RELN: variants seen among roughly 807,000 people sequenced by gnomAD.
RELN encodes the protein reelin.
RELN carries 108 observed loss-of-function variants against 427.6 expected under a neutral mutation model. That is an observed-to-expected ratio of 0.25 (90% CI 0.22 to 0.30). RELN has a LOEUF of 0.30. RELN is among the 10% of genes least tolerant of loss of function. The probability of loss-of-function intolerance (pLI) is 1.00; values close to 1 mark genes in which losing one functional copy is unlikely to be tolerated. For missense variants in RELN, 3,715 were observed against 4,302.8 expected (o/e 0.86, Z 3.82); for synonymous variants, 1,524 against 1,513.4 (o/e 1.01, Z -0.16).
intron 46 of RELN, among the ~76,000 whole-genome samples, chr7:103,532,291 G>A (rs543186007): frequency 1.3e-5 from 2 of 152,246 alleles, no homozygotes; most frequent in East Asian, 3.9e-4. Context: ...GGGGCTTGTT[G>A]GAAAGTGGGG....
intron 2 of RELN, among the ~76,000 whole-genome samples, chr7:103,897,179 A>T (rs140600320): frequency 3.2e-4 from 49 of 152,264 alleles, no homozygotes; most frequent in Middle Eastern, 3.4e-3. Flanking sequence ...TTACAATTCA[A>T]GGTGAGAGCT....
chr7:103,778,805 G>A (rs1791813929), intron 3 of RELN, among the ~76,000 whole-genome samples: 1 of 152,138 alleles, frequency 6.6e-6, no homozygotes, highest in Non-Finnish European at 1.5e-5. Context: ...TGGTCAAAAC[G>A]ACTTTAGCAG....
At chr7:103,495,175 CTTTTT>C (rs68172294) in intron 57 of RELN, among the ~76,000 whole-genome samples, 43 of 125,358 alleles carry the variant, frequency 3.4e-4, no homozygotes, top group East Asian at 9.2e-4. Context: ...AAAGTAATTC[CTTTTT>C]TTTTTTTTTT....
intron 2 of RELN, among the ~76,000 whole-genome samples, chr7:103,907,748 T>C (rs941232102): frequency 6.7e-6 from 1 of 150,004 alleles, no homozygotes; most frequent in Non-Finnish European, 1.5e-5. Flanking sequence ...GAACTGGATA[T>C]GATGTCAGAA....
At chr7:103,636,041 C>A (rs1001589759) in intron 18 of RELN, among the ~76,000 whole-genome samples, 194 bp downstream of exon 18, 5 of 152,124 alleles carry the variant, frequency 3.3e-5, no homozygotes, top group African/African-American at 1.2e-4. Context: ...TCATTAATAT[C>A]CAAGTCATTG....
In RELN at chr7:103,908,117, A is replaced by T. The variant is rs117197817; in HGVS notation, c.337+8958T>A. Among the ~76,000 whole-genome samples, 660 of 152,084 alleles carry T rather than the reference A, an allele frequency of 4.3e-3. 3 individuals carry two copies. The highest frequency in any genetic ancestry group is 0.017 in the Middle Eastern group (5 of 294). On this transcript the variant is annotated intron_variant, in intron 2 of 64. Transcript: ENST00000428762. ...TGCAATAGTCATCACTGGCCTTCCC[A>T]AGCATTGCTTCCTTACCTATACACT...
intron 36 of RELN, 77 bp from the exon 37 acceptor site, chr7:103,558,126 CT>C: frequency 1.4e-6 from 1 of 738,628 alleles, no homozygotes; most frequent in Non-Finnish European, 2.5e-6. Context: ...ATACACCTAA[CT>C]TGCATTAGCT....
chr7:103,596,672 A>C lies in RELN; in HGVS notation c.3334-11T>G, dbSNP rs1414623196. ...CTGTCTTTTCCCAGCCTTTCAGAAA[A>C]GAAGAAAAATCAAATTCAGTAATCT... is the stretch of plus-strand genomic sequence containing the variant. On this transcript the variant is annotated splice_polypyrimidine_tract_variant and intron_variant, in intron 24 of 64. Coordinates refer to ENST00000428762, the MANE Select transcript of RELN (RefSeq NM_005045.4). 2 of 1,612,980 alleles carry C rather than the reference A, an allele frequency of 1.2e-6. No individual in the cohort carries two copies. Among genetic ancestry groups the C allele is most frequent in the Admixed American group, 1.7e-5 (1 of 59,972 alleles).
rs1385425220 is a variant in RELN at position 103,545,558 on chromosome 7, A to C, written c.6303-214T>G. On this transcript the variant is annotated intron_variant, in intron 41 of 64. Coordinates refer to ENST00000428762, the MANE Select transcript of RELN (RefSeq NM_005045.4). Reference sequence around the variant, plus strand: ...TTTCTTGTAAGCTTTTCCTGATCCTATCAGAATGTCAATGTTTCACTTGAT... The same window carrying C: ...TTTCTTGTAAGCTTTTCCTGATCCTCTCAGAATGTCAATGTTTCACTTGAT... Among the ~76,000 whole-genome samples the C allele has an allele frequency of 3.9e-5, 6 of 152,264 alleles. No individual in the cohort carries two copies. The East Asian group carries it at 1.2e-3, about 29-fold the overall frequency.
intron 1 of RELN, among the ~76,000 whole-genome samples, chr7:103,961,613 A>G (rs1264134119): frequency 6.6e-6 from 1 of 152,204 alleles, no homozygotes; most frequent in East Asian, 1.9e-4. Context: ...TTGCTTTAGA[A>G]GACAAGGACA....
At position 103,736,785 on chromosome 7, in the gene RELN, G is replaced by A. The variant is rs185082627; in HGVS notation, c.657-8578C>T. Among the ~76,000 whole-genome samples the A allele has an allele frequency of 6.4e-4, 98 of 152,214 alleles. 1 individual carries two copies. The highest frequency in any genetic ancestry group is 2.1e-3 in the African/African-American group (88 of 41,538). On this transcript the variant is annotated intron_variant, in intron 6 of 64. Transcript: ENST00000428762. ...GCTCTTGTTTTTGCCACCTAAAGCA[G>A]AAATTAAACAAGGAAGTAATAAACC...
At chr7:103,537,772 G>A (rs362711) in intron 45 of RELN, among the ~76,000 whole-genome samples, 90,320 of 152,016 alleles carry the variant, frequency 0.59, 27,467 homozygotes, top group Middle Eastern at 0.73. Flanking sequence ...TCAGTTTTAG[G>A]AGAACCCCAC....
intron 10 of RELN, among the ~76,000 whole-genome samples, chr7:103,691,116 A>G (rs1382557414): frequency 1.3e-5 from 2 of 149,216 alleles, no homozygotes; most frequent in East Asian, 3.9e-4. Flanking sequence ...ATTAATTACT[A>G]AAAAAGCCAA....
intron 46 of RELN, among the ~76,000 whole-genome samples, chr7:103,530,583 T>C (rs765654001): frequency 4.6e-5 from 7 of 152,212 alleles, no homozygotes; most frequent in African/African-American, 1.7e-4. Flanking sequence ...ATGCTTGCTA[T>C]AAGTTAACCC....
chr7:103,520,091 G>A (rs1829665098), intron 48 of RELN, among the ~76,000 whole-genome samples: 1 of 151,060 alleles, frequency 6.6e-6, no homozygotes, highest in Non-Finnish European at 1.5e-5. Flanking sequence ...TTTGGGCCAA[G>A]GTTGAGTATC....
chr7:103,728,059 A>C, intron 7 of RELN, 52 bp downstream of exon 7: 10 of 1,580,854 alleles, frequency 6.3e-6, no homozygotes, highest in Admixed American at 1.7e-5. Flanking sequence ...TGTTGGCAAA[A>C]AGCTCAGTAA....
intron 61 of RELN, chr7:103,484,577 A>T (rs1392559679): frequency 6.6e-6 from 1 of 152,544 alleles, no homozygotes; most frequent in Non-Finnish European, 1.5e-5. Flanking sequence ...CACTGTTAGT[A>T]ACAAAATTTA....
intron 40 of RELN, among the ~76,000 whole-genome samples, chr7:103,551,587 G>A (rs927709082): frequency 6.6e-6 from 1 of 151,972 alleles, no homozygotes; most frequent in Non-Finnish European, 1.5e-5. Flanking sequence ...TTTACCTTTG[G>A]CCCATTTTCC....
intron 11 of RELN, among the ~76,000 whole-genome samples, chr7:103,666,463 TA>T (rs542743043): frequency 2.1e-3 from 323 of 152,302 alleles, no homozygotes; most frequent in African/African-American, 7.4e-3. Context: ...TTAAATCATT[TA>T]ATCATATTTA....
Sources: allele counts gnomAD v4.1 joint callset (sites outside exome capture counted in the v4.1 genomes callset), GRCh38; gene constraint gnomAD v4.1.1; transcripts MANE v1.5; gene names NCBI Gene and HGNC (gene_info 2026-07-23, HGNC 2026-07-21).